The following SUSD1 variants were observed in gnomAD, a reference collection of about 807,000 sequenced individuals.
SUSD1 encodes sushi domain containing 1.
In SUSD1, 65 loss-of-function variants were observed where a neutral mutation model predicts 86.9. That is an observed-to-expected ratio of 0.75 (90% confidence interval 0.61 to 0.92). The LOEUF is 0.92. SUSD1 is among the 40% of genes least tolerant of loss of function. SUSD1 has a pLI of 0.00. For missense variants in SUSD1, 850 were observed against 929.7 expected (o/e 0.91, Z 1.11); for synonymous variants, 346 against 350.0 (o/e 0.99, Z 0.13).
At chr9:112,149,428 G>T in intron 2 of SUSD1, 29 bp from the exon 3 acceptor site, 1 of 1,609,904 alleles carries the variant, frequency 6.2e-7, no homozygotes, top group Non-Finnish European at 8.5e-7. Flanking sequence ...GGCACCGGAA[G>T]AGCTATCAAT....
chr9:112,158,016 G>A (rs1313117954), intron 1 of SUSD1, among the ~76,000 whole-genome samples: 1 of 151,470 alleles, frequency 6.6e-6, no homozygotes, highest in Non-Finnish European at 1.5e-5. Context: ...TAGACACAGG[G>A]TTTTGCCATG....
At chr9:112,152,687 T>C (rs765033496) in intron 2 of SUSD1, among the ~76,000 whole-genome samples, 3 of 150,752 alleles carry the variant, frequency 2.0e-5, no homozygotes, top group Non-Finnish European at 3.0e-5. Context: ...TGGGATTAGA[T>C]TGCAGGCATA....
At chr9:112,055,518 C>G (rs1038464590) in intron 14 of SUSD1, among the ~76,000 whole-genome samples, 1 of 152,108 alleles carries the variant, frequency 6.6e-6, no homozygotes, top group Non-Finnish European at 1.5e-5. Context: ...TAAGTGTTAG[C>G]AGGGACATGG....
chr9:112,106,353 T>A (rs1830840420), intron 8 of SUSD1, among the ~76,000 whole-genome samples: 1 of 152,130 alleles, frequency 6.6e-6, no homozygotes, highest in Admixed American at 6.5e-5. Context: ...TAAGAAATAC[T>A]TCTAGAATTC....
At chr9:112,053,149 T>A (rs546245523) in intron 14 of SUSD1, among the ~76,000 whole-genome samples, 13 of 152,272 alleles carry the variant, frequency 8.5e-5, no homozygotes, top group Admixed American at 2.6e-4. Flanking sequence ...TAGGAGAGTC[T>A]CTTTCAAATG....
intron 9 of SUSD1, among the ~76,000 whole-genome samples, chr9:112,101,104 G>A (rs1231935288): frequency 6.6e-6 from 1 of 152,022 alleles, no homozygotes; most frequent in Non-Finnish European, 1.5e-5. Context: ...GCTCACACCT[G>A]TAATCCCAGC....
intron 1 of SUSD1, among the ~76,000 whole-genome samples, chr9:112,169,595 G>A (rs959132383): frequency 7.3e-5 from 11 of 151,382 alleles, no homozygotes; most frequent in African/African-American, 1.2e-4. Flanking sequence ...TACGGTTCAC[G>A]TCAGGCAGTC....
At chr9:112,045,833 G>T (rs1034169183) in intron 15 of SUSD1, among the ~76,000 whole-genome samples, 4 of 152,194 alleles carry the variant, frequency 2.6e-5, no homozygotes, top group African/African-American at 9.7e-5. Flanking sequence ...GTATGAACCT[G>T]CCAGAATACG....
rs1318360922 is a variant in SUSD1, at chr9:112,042,096, C to T, written c.2150-136G>A. On this transcript the variant is annotated intron_variant, in intron 15 of 16. Coordinates refer to ENST00000374270, the MANE Select transcript of SUSD1 (RefSeq NM_022486.5). Reference sequence around the variant, plus strand: ...AACAAAGAATCCCAAGAATGCCCAACATGCCTGTGTGTCCCCTGAGTTGGC... The same window carrying T: ...AACAAAGAATCCCAAGAATGCCCAATATGCCTGTGTGTCCCCTGAGTTGGC... 9.7e-6 allele frequency: 15 copies of T among 1,544,106 alleles called. No homozygotes were observed. The East Asian group carries it at 3.7e-4, about 38-fold the overall frequency.
At chr9:112,107,020 T>A (rs775829085) in intron 8 of SUSD1, among the ~76,000 whole-genome samples, 1 of 151,018 alleles carries the variant, frequency 6.6e-6, no homozygotes, top group Non-Finnish European at 1.5e-5. Flanking sequence ...ATCCAAGCAC[T>A]TTGAGAGGCT....
intron 10 of SUSD1, among the ~76,000 whole-genome samples, chr9:112,082,118 GA>G (rs201825925): frequency 4.0e-5 from 6 of 150,122 alleles, no homozygotes; most frequent in South Asian, 2.1e-4. Context: ...AAAAAGGCAA[GA>G]AAAAAAAATG....
intron 8 of SUSD1, among the ~76,000 whole-genome samples, chr9:112,102,609 T>C (rs1830677172): frequency 6.6e-6 from 1 of 152,226 alleles, no homozygotes; most frequent in African/African-American, 2.4e-5. Flanking sequence ...CTGTGATATT[T>C]TTAGAAAGTT....
Position 112,132,810 on chromosome 9 carries a change from G to A in SUSD1, c.707-8374C>T, listed in dbSNP as rs189463129. Among the ~76,000 whole-genome samples, 29 of 152,224 alleles carry A rather than the reference G, an allele frequency of 1.9e-4. No individual in the cohort carries two copies. In the East Asian group the frequency reaches 4.0e-3, roughly 21 times the overall value. On this transcript the variant is annotated intron_variant, in intron 5 of 16. Transcript: ENST00000374270. The stretch of plus-strand genomic sequence containing the variant: ...CTTTGTGATGGTCTAAGGAACCTGC[G>A]ACAAAGTTTCATGTATCTTGCAGCA...
intron 1 of SUSD1, among the ~76,000 whole-genome samples, chr9:112,163,130 T>C (rs190204493): frequency 2.0e-5 from 3 of 152,230 alleles, no homozygotes; most frequent in Admixed American, 6.5e-5. Flanking sequence ...CTCACACCTG[T>C]AATCTCATCA....
At chr9:112,061,774 T>C (rs909473060) in intron 13 of SUSD1, among the ~76,000 whole-genome samples, 1 of 152,180 alleles carries the variant, frequency 6.6e-6, no homozygotes, top group Non-Finnish European at 1.5e-5. Context: ...ACAGATAATA[T>C]CGCCAGACTT....
chr9:112,148,652 T>C (rs904805118), intron 3 of SUSD1, among the ~76,000 whole-genome samples: 36 of 152,074 alleles, frequency 2.4e-4, no homozygotes, highest in African/African-American at 8.5e-4. Context: ...TCATGACTAA[T>C]CCCAGCACTT....
rs567663564 is a variant in SUSD1, at chr9:112,147,241, T to C, written c.373+2003A>G. On this transcript the variant is annotated intron_variant, in intron 3 of 16. Transcript: ENST00000374270. ...TGCATGAAAGGCCAGGCGTGGTGGC[T>C]CACGTCTGTAATCCCAGCACTTTGG... 2.6e-5 allele frequency among the ~76,000 whole-genome samples: 4 copies of C among 152,320 alleles called. No homozygotes were observed. The East Asian group carries it at 5.8e-4, about 22-fold the overall frequency.
intron 12 of SUSD1, among the ~76,000 whole-genome samples, chr9:112,069,560 GC>G (rs1448387718): frequency 6.6e-6 from 1 of 152,130 alleles, no homozygotes; most frequent in Non-Finnish European, 1.5e-5. Context: ...TCACCGAAAT[GC>G]CCTTTCACTT....
rs1192308857 is a variant in SUSD1 at position 112,063,008 on chromosome 9, A to T, written c.1779T>A (p.Phe593Leu). ...GTAGAGGTCCTCTGTGCACCGTAAA[A>T]AATTCTACTTCCGGGAGGGGAGGCT... ...ITEPPLPEVE[F>L]FTVHRGPLPR... is the part of the protein sequence containing the mutation. The change falls in exon 13 of 17, where the codon TTT (phenylalanine) becomes TTA (leucine). Residue 593 changes from phenylalanine (F) to leucine (L), a missense_variant. Transcript: ENST00000374270. The T allele has an allele frequency of 1.9e-6, 3 of 1,613,502 alleles. No homozygotes were observed. Among genetic ancestry groups the T allele is most frequent in the Non-Finnish European group, 2.5e-6 (3 of 1,179,534 alleles).
Sources: allele counts gnomAD v4.1 joint callset (sites outside exome capture counted in the v4.1 genomes callset), GRCh38; gene constraint gnomAD v4.1.1; transcripts MANE v1.5; gene names NCBI Gene and HGNC (gene_info 2026-07-23, HGNC 2026-07-21).